AP1G1: variants seen among roughly 807,000 people sequenced by gnomAD.
The protein encoded by AP1G1 is adaptor related protein complex 1 subunit gamma 1.
In AP1G1, 7 loss-of-function variants were observed where a neutral mutation model predicts 108.3. The observed-to-expected ratio is 0.06, with a 90% CI of 0.04 to 0.12. The LOEUF (loss-of-function observed/expected upper bound fraction) is 0.12, where lower values mean the gene tolerates loss of function less well. Ranked by LOEUF, AP1G1 falls within the 10% of genes least tolerant of loss-of-function variation. The probability of loss-of-function intolerance (pLI) is 1.00; values close to 1 mark genes in which losing one functional copy is unlikely to be tolerated. For missense variants in AP1G1, 756 were observed against 1,010.7 expected, an observed-to-expected ratio of 0.75 and a Z score of 3.42; for synonymous variants, 379 against 353.5, an observed-to-expected ratio of 1.07 and a Z score of -0.81.
chr16:71,754,041 C>A (rs570838115), intron 12 of AP1G1, among the ~76,000 whole-genome samples, 154 bp from the exon 13 acceptor site: 1 of 152,186 alleles, frequency 6.6e-6, no homozygotes, highest in South Asian at 2.1e-4. Context: ...GAGTTCGAGA[C>A]CAGCCTGGGC....
intron 21 of AP1G1, among the ~76,000 whole-genome samples, chr16:71,737,135 T>C (rs1387616453): frequency 5.9e-5 from 9 of 152,122 alleles, no homozygotes; most frequent in Non-Finnish European, 1.2e-4. Flanking sequence ...GAAGTGGCTA[T>C]CATTATCACC....
At chr16:71,787,977 T>C (rs911265292) in intron 2 of AP1G1, among the ~76,000 whole-genome samples, 2 of 152,216 alleles carry the variant, frequency 1.3e-5, no homozygotes, top group African/African-American at 4.8e-5. Context: ...CCTTTTCTTT[T>C]GATCCAGTCC....
intron 13 of AP1G1, among the ~76,000 whole-genome samples, chr16:71,752,047 C>G (rs1223521893): frequency 2.0e-5 from 3 of 151,860 alleles, no homozygotes; most frequent in Admixed American, 6.6e-5. Flanking sequence ...AATAATATAC[C>G]CTGACCACGT....
chr16:71,777,581 T>C (rs927529759), intron 2 of AP1G1: 7 of 389,058 alleles, frequency 1.8e-5, no homozygotes, highest in Non-Finnish European at 3.2e-5. Flanking sequence ...AGGCCTCCCA[T>C]CCCCAGCCTG....
chr16:71,805,705 T>G (rs761305707), intron 1 of AP1G1, among the ~76,000 whole-genome samples: 1 of 152,130 alleles, frequency 6.6e-6, no homozygotes, highest in Non-Finnish European at 1.5e-5. Flanking sequence ...AATAATATCT[T>G]GGAAAATACT....
At chr16:71,751,754 C>G (rs1007106342) in intron 13 of AP1G1, among the ~76,000 whole-genome samples, 1 of 152,086 alleles carries the variant, frequency 6.6e-6, no homozygotes, top group Non-Finnish European at 1.5e-5. Flanking sequence ...CCAAGAAAGA[C>G]CATATTCTGG....
chr16:71,771,697 A>G (rs1190801744), intron 4 of AP1G1, among the ~76,000 whole-genome samples: 3 of 152,244 alleles, frequency 2.0e-5, no homozygotes, highest in Non-Finnish European at 4.4e-5. Context: ...AATTTATCAA[A>G]AAGTTAAACA....
At position 71,733,029 on chromosome 16, in the gene AP1G1, G is replaced by T; in HGVS notation, c.*29C>A. On this transcript the variant is annotated 3_prime_UTR_variant, in exon 23 of 23. Transcript: ENST00000299980. Reference sequence around the variant, plus strand: ...TTCCCAGAGTTCCTTTGATTGAGTGGGATAAAGAATGAGAATGGTGCCAAA... The same window carrying T: ...TTCCCAGAGTTCCTTTGATTGAGTGTGATAAAGAATGAGAATGGTGCCAAA... 6.4e-7 allele frequency: 1 copy of T among 1,566,438 alleles called. No homozygotes were observed. The highest frequency in any genetic ancestry group is 8.8e-7 in the Non-Finnish European group (1 of 1,138,998).
chr16:71,764,892 T>G (rs1268593688), intron 7 of AP1G1, among the ~76,000 whole-genome samples, 166 bp from the exon 8 acceptor site: 2 of 151,238 alleles, frequency 1.3e-5, no homozygotes, highest in East Asian at 3.8e-4. Context: ...AAACATTTTC[T>G]TTATTTAGAG....
intron 1 of AP1G1, among the ~76,000 whole-genome samples, chr16:71,804,344 C>G (rs1047701297): frequency 1.3e-5 from 2 of 151,220 alleles, no homozygotes; most frequent in African/African-American, 4.9e-5. Flanking sequence ...CCTCGCCCAG[C>G]CAACAAAGAT....
At chr16:71,786,748 C>T (rs117447760) in intron 2 of AP1G1, among the ~76,000 whole-genome samples, 7,243 of 152,078 alleles carry the variant, frequency 0.048, 247 homozygotes, top group Middle Eastern at 0.12. Context: ...CGTGAGCCAC[C>T]GCACCCAGCC....
intron 21 of AP1G1, among the ~76,000 whole-genome samples, chr16:71,735,000 ATTC>A (rs1345372070): frequency 1.3e-5 from 2 of 152,358 alleles, no homozygotes; most frequent in East Asian, 1.9e-4. Flanking sequence ...AAGCTGACCA[ATTC>A]TTCTTCTGGC....
chr16:71,748,367 A>G lies in AP1G1; in HGVS notation c.1509T>C (p.Asp503=), dbSNP rs1432082273. Residue 503 remains aspartate, a synonymous_variant, in exon 16 of 23, where the codon GAT becomes GAC. Coordinates refer to ENST00000299980, the MANE Select transcript of AP1G1 (RefSeq NM_001128.6). ...EEEEPIQVTE[D]EVLDILESVL... ...CACTTTCTAAAATATCCAACACTTCATCCTCTGTTACCTGAGGAGGAGGAG... is the reference window on the plus strand; with the variant it reads ...CACTTTCTAAAATATCCAACACTTCGTCCTCTGTTACCTGAGGAGGAGGAG... 7.4e-6 allele frequency: 12 copies of G among 1,612,864 alleles called. No individual in the cohort carries two copies. The highest frequency in any genetic ancestry group is 1.0e-5 in the Non-Finnish European group (12 of 1,179,694).
intron 2 of AP1G1, among the ~76,000 whole-genome samples, chr16:71,785,944 C>G (rs2032189439): frequency 6.6e-6 from 1 of 151,946 alleles, no homozygotes; most frequent in South Asian, 2.1e-4. Context: ...ATCATACGTG[C>G]AGGTGACAAA....
intron 1 of AP1G1, among the ~76,000 whole-genome samples, chr16:71,798,234 C>A (rs1055752894): frequency 6.6e-6 from 1 of 151,752 alleles, no homozygotes; most frequent in Non-Finnish European, 1.5e-5. Context: ...CACTTGAGGC[C>A]ATGAGTTAGA....
rs2030413517 is a variant in AP1G1 at position 71,750,224 on chromosome 16, C to T, written c.1393G>A (p.Gly465Ser). 6.2e-7 allele frequency: 1 copy of T among 1,613,580 alleles called. No homozygotes were observed. Among genetic ancestry groups the T allele is most frequent in the Admixed American group, 1.7e-5 (1 of 59,922 alleles). Reference protein sequence around the residue: ...TVQRLYKAILGDYSQQPLVQV... With the variant: ...TVQRLYKAILSDYSQQPLVQV... Reference sequence around the variant, plus strand: ...GAAGTACTTACTTGAGAATAATCACCAAGAATTGCTTTGTACAGGCGCTGG... The same window carrying T: ...GAAGTACTTACTTGAGAATAATCACTAAGAATTGCTTTGTACAGGCGCTGG... Residue 465 changes from glycine to serine, a missense_variant, in exon 14 of 23, where the codon GGT becomes AGT. By Grantham distance (56) the Gly-to-Ser change is moderately conservative (BLOSUM62 0). This residue lies in a region of AP1G1 where 357 missense variants were observed against 366.5 expected (regional missense o/e 0.97). Transcript: ENST00000299980.
At chr16:71,750,041 T>C in intron 14 of AP1G1, 58 bp from the exon 15 acceptor site, 2 of 1,524,228 alleles carry the variant, frequency 1.3e-6, no homozygotes, top group African/African-American at 1.4e-5. Flanking sequence ...AGTTATTTAA[T>C]GCAAATCATA....
At chr16:71,789,623 G>T in intron 1 of AP1G1, 141 bp from the exon 2 acceptor site, 1 of 788,702 alleles carries the variant, frequency 1.3e-6, no homozygotes, top group Non-Finnish European at 2.0e-6. Context: ...TAAACAAAGC[G>T]TGCTAAGCTT....
intron 3 of AP1G1, 36 bp from the exon 4 acceptor site, chr16:71,773,398 G>A (rs1436391438): frequency 1.4e-6 from 2 of 1,467,380 alleles, no homozygotes; most frequent in East Asian, 2.5e-5. Context: ...AACAAGCCTG[G>A]TGCTCCCCAA....
Sources: gnomAD v4.1 joint callset for allele counts (sites outside exome capture counted in the v4.1 genomes callset) on GRCh38, gnomAD v4.1.1 for gene constraint, gnomAD v4.1.1 regional missense constraint, MANE v1.5 for transcripts, NCBI Gene and HGNC (gene_info 2026-07-23, HGNC 2026-07-21) for gene names.